Variants in TLCD3B observed in about 807,000 individuals in gnomAD.
The protein encoded by TLCD3B is TLC domain containing 3B, also known as ceramide synthase.
TLCD3B carries 9 observed loss-of-function variants against 23.0 expected under a neutral mutation model. The observed-to-expected ratio is 0.39, with a 90% confidence interval of 0.24 to 0.68. The LOEUF (loss-of-function observed/expected upper bound fraction) is 0.68, where lower values mean the gene tolerates loss of function less well. Among genes scored for constraint, TLCD3B ranks in the 30% least tolerant of loss-of-function variants. The pLI, the probability that TLCD3B is intolerant of heterozygous loss-of-function variation, is 0.44. For synonymous variants in TLCD3B, 161 were observed against 161.0 expected (o/e 1.00, Z 0.00); for missense variants, 307 against 371.8 (o/e 0.83, Z 1.43).
intron 2 of TLCD3B, among the ~76,000 whole-genome samples, chr16:30,044,471 CT>C (rs2071626238): frequency 6.6e-6 from 1 of 151,448 alleles, no homozygotes; most frequent in Non-Finnish European, 1.5e-5. Flanking sequence ...CCACACTCGG[CT>C]AATTGTTTGT....
chr16:30,050,080 C>T (rs1424156060), intron 1 of TLCD3B, among the ~76,000 whole-genome samples: 1 of 152,214 alleles, frequency 6.6e-6, no homozygotes, highest in Non-Finnish European at 1.5e-5. Context: ...AAAACACCAG[C>T]ACCAGCGAGT....
At chr16:30,036,089 T>C, upstream of TLCD3B, 1 of 1,221,154 alleles carries the variant, frequency 8.2e-7, no homozygotes, top group South Asian at 1.5e-5. Context: ...TCCACCATTT[T>C]CCATCTTCTG....
intron 2 of TLCD3B, among the ~76,000 whole-genome samples, chr16:30,028,169 G>T (rs1162083570): frequency 6.6e-6 from 1 of 152,210 alleles, no homozygotes; most frequent in Non-Finnish European, 1.5e-5. Context: ...CCCAGCAGAG[G>T]TGATGGGAGA....
At chr16:30,039,101 C>CTATTTT (rs10623783) in intron 3 of TLCD3B, among the ~76,000 whole-genome samples, 2 of 120,850 alleles carry the variant, frequency 1.7e-5, no homozygotes, top group Non-Finnish European at 3.3e-5. Flanking sequence ...CCTCCTTCCT[C>CTATTTT]TCTTTTTTTT....
At chr16:30,031,779 A>T (rs1313914121), upstream of TLCD3B, among the ~76,000 whole-genome samples, 2 of 152,130 alleles carry the variant, frequency 1.3e-5, no homozygotes, top group African/African-American at 4.8e-5. Context: ...CTGCTGCAGG[A>T]GCTCCGAGGT....
chr16:30,046,178 G>A (rs1273450434), intron 2 of TLCD3B: 1 of 152,548 alleles, frequency 6.6e-6, no homozygotes, highest in African/African-American at 2.4e-5. Context: ...GGGCAGTGCA[G>A]GGCAGGGGTA....
chr16:30,037,532 G>C (rs1428377734), intron 3 of TLCD3B, among the ~76,000 whole-genome samples: 2 of 145,228 alleles, frequency 1.4e-5, no homozygotes, highest in Non-Finnish European at 3.0e-5. Context: ...GACAGAGCGA[G>C]ACTGTGTTTC....
chr16:30,048,930 C>A (rs1278869895), intron 1 of TLCD3B, among the ~76,000 whole-genome samples: 3 of 152,082 alleles, frequency 2.0e-5, no homozygotes, highest in East Asian at 3.9e-4. Context: ...GCCACCATGC[C>A]CAGCTAATTT....
At chr16:30,042,206 C>A (rs2071588850) in intron 2 of TLCD3B, among the ~76,000 whole-genome samples, 1 of 151,812 alleles carries the variant, frequency 6.6e-6, no homozygotes, top group Non-Finnish European at 1.5e-5. Context: ...ATTTTCTGAG[C>A]CGCCTTTATT....
At chr16:30,036,506 C>T (rs910288848) in intron 3 of TLCD3B, 5 of 1,023,640 alleles carry the variant, frequency 4.9e-6, no homozygotes, top group Non-Finnish European at 3.8e-6. Context: ...GGGACCTTCT[C>T]GGGATAAAAG....
chr16:30,048,833 C>T (rs576753709), intron 1 of TLCD3B, among the ~76,000 whole-genome samples: 3 of 152,028 alleles, frequency 2.0e-5, no homozygotes, highest in Admixed American at 6.6e-5. Context: ...TGCAGTGGTG[C>T]GATCTTGGCT....
intron 2 of TLCD3B, among the ~76,000 whole-genome samples, chr16:30,041,833 C>T (rs983323824): frequency 1.3e-5 from 2 of 151,680 alleles, no homozygotes; most frequent in Admixed American, 6.6e-5. Context: ...AATGGAAAAC[C>T]TTTGCACAAC....
chr16:30,034,704 T>C (rs1051849056), upstream of TLCD3B, among the ~76,000 whole-genome samples: 12 of 152,196 alleles, frequency 7.9e-5, no homozygotes, highest in East Asian at 2.3e-3. Context: ...GCCTATATCA[T>C]CCCTGCAGAG....
intron 3 of TLCD3B, among the ~76,000 whole-genome samples, chr16:30,040,262 C>T (rs2071560384): frequency 6.6e-6 from 1 of 151,322 alleles, no homozygotes; most frequent in African/African-American, 2.4e-5. Context: ...CTAAATCATG[C>T]CAATGCATAG....
chr16:30,025,246 A>G lies in TLCD3B; in HGVS notation c.762T>C (p.Arg254=), dbSNP rs1163621477. 3.9e-6 allele frequency: 6 copies of G among 1,533,096 alleles called. No individual in the cohort carries two copies. Among genetic ancestry groups the G allele is most frequent in the Non-Finnish European group, 5.3e-6 (6 of 1,140,870 alleles). 95.0% of individuals were successfully genotyped at this position (1,533,096 alleles called of 1,614,324 possible). A position where few individuals can be genotyped will look rare whatever the true frequency, so the allele number is the denominator to read the frequency against. ...GGGGCCAGAAGAGGCGGCAGGCCCCACGGCAGATGAGGAAGAACCAGTAGA... is the reference window on the plus strand; with the variant it reads ...GGGGCCAGAAGAGGCGGCAGGCCCCGCGGCAGATGAGGAAGAACCAGTAGA... The part of the protein sequence containing the change: ...PQLYWFFLIC[R]GACRLFWPRS... The change falls in exon 5 of 5, where the codon CGT becomes CGC. Residue 254 remains arginine, a synonymous_variant. Transcript: ENST00000380495. This position sits in a 1 kb window ranked among gnomAD's most constrained non-coding sequence, Gnocchi z 4.1.
chr16:30,035,584 G>C, upstream of TLCD3B: 1 of 1,148,096 alleles, frequency 8.7e-7, no homozygotes, highest in South Asian at 1.5e-5. Context: ...CAAGCCCCAA[G>C]AGACCCATCC....
At chr16:30,034,920 T>TC (rs1210976365), upstream of TLCD3B, among the ~76,000 whole-genome samples, 4 of 151,272 alleles carry the variant, frequency 2.6e-5, no homozygotes, top group South Asian at 6.3e-4. Context: ...TTTTTCTTTT[T>TC]TTTTTTTTTG....
At chr16:30,051,521 C>CAAAAA (rs199594296) in intron 1 of TLCD3B, among the ~76,000 whole-genome samples, 9 of 62,302 alleles carry the variant, frequency 1.4e-4, no homozygotes, top group South Asian at 6.8e-4. Context: ...AACTCCGTTT[C>CAAAAA]AAAAAAAAAA....
intron 3 of TLCD3B, among the ~76,000 whole-genome samples, chr16:30,037,521 C>T (rs2071496788): frequency 7.1e-6 from 1 of 141,812 alleles, no homozygotes. Flanking sequence ...CCAGCCTGGG[C>T]GACAGAGCGA....
Sources: allele counts gnomAD v4.1 joint callset (sites outside exome capture counted in the v4.1 genomes callset), GRCh38; gene constraint gnomAD v4.1.1; non-coding constraint Gnocchi (gnomAD v3.1); transcripts MANE v1.5; gene names NCBI Gene and HGNC (gene_info 2026-07-23, HGNC 2026-07-21).